MTMR6: variants seen among roughly 807,000 people sequenced by gnomAD.
The protein encoded by MTMR6 is myotubularin related protein 6.
In MTMR6, 47 loss-of-function variants were observed where a neutral mutation model predicts 80.1. The ratio of observed to expected loss-of-function variants is 0.59; its 90% confidence interval spans 0.46 to 0.75. The LOEUF (loss-of-function observed/expected upper bound fraction) is 0.75. MTMR6 is among the 30% of genes least tolerant of loss of function. MTMR6 has a pLI of 0.00. For synonymous variants in MTMR6, 254 were observed against 253.0 expected (o/e 1.00, Z -0.04); for missense variants, 629 against 730.9 (o/e 0.86, Z 1.61).
At chr13:25,275,006 A>ACT (rs1296485668) in intron 1 of MTMR6, among the ~76,000 whole-genome samples, 7 of 149,060 alleles carry the variant, frequency 4.7e-5, no homozygotes, top group African/African-American at 1.7e-4. Context: ...ACACACACAC[A>ACT]CTATGTTGCT....
intron 13 of MTMR6, among the ~76,000 whole-genome samples, chr13:25,249,768 G>T (rs1957047325): frequency 6.6e-6 from 1 of 151,910 alleles, no homozygotes; most frequent in East Asian, 1.9e-4. Context: ...CACTTAAAAT[G>T]GACATATATT....
chr13:25,257,320 G>A lies in MTMR6; in HGVS notation c.971C>T (p.Ala324Val). 6.2e-7 allele frequency: 1 copy of A among 1,613,246 alleles called. No individual in the cohort carries two copies. The highest frequency in any genetic ancestry group is 8.5e-7 in the Non-Finnish European group (1 of 1,179,626). The change falls in exon 9 of 14, where the codon GCA (alanine) becomes GTA (valine). Residue 324 changes from alanine to valine, a missense_variant and splice_region_variant. Coordinates refer to ENST00000381801, the MANE Select transcript of MTMR6 (RefSeq NM_004685.5). ...VMDAAIFLAK[A>V]ITVENASVLV... ...CACACTTGCATTTTCAACTGTTATTGCCTGAAAAGAAAGATCACATACATT... is the reference window on the plus strand; with the variant it reads ...CACACTTGCATTTTCAACTGTTATTACCTGAAAAGAAAGATCACATACATT...
chr13:25,261,890 T>A, intron 5 of MTMR6, 88 bp from the exon 6 acceptor site: 1 of 1,239,220 alleles, frequency 8.1e-7, no homozygotes, highest in Non-Finnish European at 1.1e-6. Flanking sequence ...CCAAAAGTGT[T>A]AAAATCAAAT....
intron 9 of MTMR6, among the ~76,000 whole-genome samples, chr13:25,256,873 A>G (rs1957218928): frequency 6.6e-6 from 1 of 152,184 alleles, no homozygotes; most frequent in Non-Finnish European, 1.5e-5. Context: ...TTCCATTGCA[A>G]CATTTTAGGA....
intron 1 of MTMR6, among the ~76,000 whole-genome samples, chr13:25,274,961 TACACACACACACACACAC>T (rs71077456): frequency 9.5e-6 from 1 of 104,988 alleles, no homozygotes; most frequent in African/African-American, 3.5e-5. Flanking sequence ...CACACACACA[TACACACACACACACACAC>T]ACACACACAC....
intron 3 of MTMR6, 107 bp downstream of exon 3, chr13:25,267,672 T>C (rs1176383154): frequency 8.7e-7 from 1 of 1,153,016 alleles, no homozygotes; most frequent in South Asian, 1.7e-5. Context: ...AGAACCTGAC[T>C]GTCAGAGCAA....
At chr13:25,279,346 G>A (rs1012644568) in intron 1 of MTMR6, among the ~76,000 whole-genome samples, 2 of 152,032 alleles carry the variant, frequency 1.3e-5, no homozygotes, top group Admixed American at 6.6e-5. Flanking sequence ...ATGAGAAGAC[G>A]TGTCTTGCTT....
chr13:25,252,129 A>G (rs1253064375), intron 11 of MTMR6, 145 bp from the exon 12 acceptor site: 1 of 805,942 alleles, frequency 1.2e-6, no homozygotes, highest in Non-Finnish European at 1.9e-6. Context: ...ACCTTGTCTC[A>G]GAATTCTGTA....
intron 1 of MTMR6, among the ~76,000 whole-genome samples, chr13:25,284,994 C>T (rs955042900): frequency 6.6e-5 from 10 of 152,108 alleles, no homozygotes; most frequent in African/African-American, 2.4e-4. Flanking sequence ...AATAAAGGAG[C>T]ATATTTGAAA....
At chr13:25,264,775 A>AGAAAAAAAAAAAAAAAAAG (rs1957419044) in intron 5 of MTMR6, among the ~76,000 whole-genome samples, 1 of 133,650 alleles carries the variant, frequency 7.5e-6, no homozygotes, top group Admixed American at 9.1e-5. Flanking sequence ...AAAAAAAAAA[A>AGAAAAAAAAAAAAAAAAAG]GAAATTTCAG....
chr13:25,249,159 G>T lies in MTMR6; in HGVS notation c.*73C>A. 2 of 1,505,314 alleles carry T rather than the reference G, an allele frequency of 1.3e-6. No homozygotes were observed. The highest frequency in any genetic ancestry group is 1.8e-6 in the Non-Finnish European group (2 of 1,115,134). 93.2% of individuals were successfully genotyped at this position (1,505,314 alleles called of 1,614,324 possible). A position where few individuals can be genotyped will look rare whatever the true frequency, so the allele number is the denominator to read the frequency against. On this transcript the variant is annotated 3_prime_UTR_variant, in exon 14 of 14. Transcript: ENST00000381801. ...ATTGTTATTAGACAAATTCCTTTTG[G>T]TTATGCTTACAGACCATCCTCACAA...
chr13:25,272,457 T>A (rs1474905513), intron 2 of MTMR6, among the ~76,000 whole-genome samples: 1 of 152,102 alleles, frequency 6.6e-6, no homozygotes, highest in Non-Finnish European at 1.5e-5. Flanking sequence ...CTTTTTTTTT[T>A]AATTCAGTGG....
At chr13:25,249,586 C>T in intron 13 of MTMR6, 94 bp from the exon 14 acceptor site, 1 of 1,249,342 alleles carries the variant, frequency 8.0e-7, no homozygotes, top group Non-Finnish European at 1.1e-6. Context: ...AATATGTTCT[C>T]TGTATGTATA....
Position 25,257,281 on chromosome 13 carries a change from G to A in MTMR6, c.1010C>T (p.Ser337Phe). The change falls in exon 9 of 14, where the codon TCC becomes TTC. Residue 337 changes from serine to phenylalanine, a missense_variant. Coordinates refer to ENST00000381801, the MANE Select transcript of MTMR6 (RefSeq NM_004685.5). ...VENASVLVHC[S>F]DGWDRTSQVC... ...CTGGGAAGTCCTATCCCAACCATCGGAACAATGCACCAACACACTTGCATT... is the reference window on the plus strand; with the variant it reads ...CTGGGAAGTCCTATCCCAACCATCGAAACAATGCACCAACACACTTGCATT... 2 of 1,613,794 alleles carry A rather than the reference G, an allele frequency of 1.2e-6. No homozygotes were observed. The highest frequency in any genetic ancestry group is 1.7e-6 in the Non-Finnish European group (2 of 1,179,824).
rs749418373 is a variant in MTMR6 at position 25,265,982 on chromosome 13, C to G, written c.463-35G>C. 2.5e-6 allele frequency: 4 copies of G among 1,606,736 alleles called. No homozygotes were observed. The Admixed American group carries it at 5.0e-5, about 20-fold the overall frequency. On this transcript the variant is annotated intron_variant, in intron 4 of 13. Transcript: ENST00000381801. ...TCAAACAAAACATAACCATTGTATTCTTAGTTCAAAACCACTTTAAAAACC... is the reference window on the plus strand; with the variant it reads ...TCAAACAAAACATAACCATTGTATTGTTAGTTCAAAACCACTTTAAAAACC...
chr13:25,267,345 T>A (rs560703702), intron 3 of MTMR6, among the ~76,000 whole-genome samples: 1 of 152,210 alleles, frequency 6.6e-6, no homozygotes, highest in South Asian at 2.1e-4. Flanking sequence ...TCTCTGCTTA[T>A]CTTCTGTATC....
intron 5 of MTMR6, among the ~76,000 whole-genome samples, chr13:25,263,307 T>C (rs979725871): frequency 2.6e-5 from 4 of 152,218 alleles, no homozygotes; most frequent in Non-Finnish European, 5.9e-5. Flanking sequence ...ACTGCTTGAA[T>C]GCCTGTACGA....
chr13:25,277,285 C>T (rs1036970338), intron 1 of MTMR6, among the ~76,000 whole-genome samples: 5 of 152,132 alleles, frequency 3.3e-5, no homozygotes, highest in African/African-American at 9.7e-5. Flanking sequence ...TAAATCTGCC[C>T]CTTTCACCAC....
intron 1 of MTMR6, among the ~76,000 whole-genome samples, chr13:25,275,797 G>C (rs1957708015): frequency 6.7e-6 from 1 of 150,210 alleles, no homozygotes; most frequent in Admixed American, 6.6e-5. Context: ...GGGGTCAGAG[G>C]TTGCGGTGAG....
Sources: allele counts gnomAD v4.1 joint callset (sites outside exome capture counted in the v4.1 genomes callset), GRCh38; gene constraint gnomAD v4.1.1; transcripts MANE v1.5; gene names NCBI Gene and HGNC (gene_info 2026-07-23, HGNC 2026-07-21).